FARSB: variants seen among roughly 807,000 people sequenced by gnomAD.
FARSB encodes phenylalanine--tRNA ligase beta subunit.
A neutral mutation model predicts 69.6 loss-of-function variants in FARSB; 40 were observed. The ratio of observed to expected loss-of-function variants is 0.57; its 90% confidence interval spans 0.45 to 0.75. The LOEUF is 0.75. Among genes scored for constraint, FARSB ranks in the 30% least tolerant of loss-of-function variants. The pLI is 0.00. For missense variants in FARSB, 632 were observed against 722.9 expected (o/e 0.87, Z 1.44); for synonymous variants, 235 against 247.2 (o/e 0.95, Z 0.46).
At chr2:222,612,537 T>A (rs999000041) in intron 15 of FARSB, among the ~76,000 whole-genome samples, 6 of 152,246 alleles carry the variant, frequency 3.9e-5, no homozygotes, top group Non-Finnish European at 8.8e-5. Flanking sequence ...AAGAATGATA[T>A]GTTTATCCTC....
intron 5 of FARSB, among the ~76,000 whole-genome samples, chr2:222,638,685 A>G (rs1691644162): frequency 6.6e-6 from 1 of 152,204 alleles, no homozygotes; most frequent in East Asian, 1.9e-4. Context: ...AGCCCATCCC[A>G]TACACATAAA....
chr2:222,587,593 A>G (rs1163873460), intron 16 of FARSB, among the ~76,000 whole-genome samples: 3 of 152,220 alleles, frequency 2.0e-5, no homozygotes, highest in Non-Finnish European at 2.9e-5. Flanking sequence ...AAGATCAACA[A>G]AATTGATAGA....
At position 222,648,386 on chromosome 2, in the gene FARSB, G is replaced by T. The variant is rs189618471; in HGVS notation, c.114+354C>A. On this transcript the variant is annotated intron_variant, in intron 2 of 16. Transcript: ENST00000281828. ...AGGCGCTGGAAGTGAAGGAGGCAGG[G>T]TAACTCTGGTTGAAGCAACATTTCT... 1.1e-3 allele frequency among the ~76,000 whole-genome samples: 175 copies of T among 152,284 alleles called. 1 individual carries two copies. The highest frequency in any genetic ancestry group is 3.9e-3 in the African/African-American group (162 of 41,542).
intron 16 of FARSB, among the ~76,000 whole-genome samples, chr2:222,579,302 G>A (rs1363193224): frequency 6.6e-6 from 1 of 152,126 alleles, no homozygotes; most frequent in Non-Finnish European, 1.5e-5. Context: ...ACTTCTTCTG[G>A]TTTACAATTA....
Position 222,640,840 on chromosome 2 carries a change from A to T in FARSB, c.339+22T>A, listed in dbSNP as rs758384526. On this transcript the variant is annotated intron_variant, in intron 4 of 16. Transcript: ENST00000281828. ...TACAAAAGAAAATTTTTAAAAGAAA[A>T]ATAAGAATTTGTCCTTATTACCTCT... 3.0e-6 allele frequency: 4 copies of T among 1,341,986 alleles called. No individual in the cohort carries two copies. In the African/African-American group the frequency reaches 6.0e-5, roughly 20 times the overall value. The allele number at this position is 1,341,986 out of a possible 1,614,324, so 83.1% of individuals were successfully genotyped here. A position where few individuals can be genotyped will look rare whatever the true frequency, so the allele number is the denominator to read the frequency against.
At position 222,570,019 on chromosome 2, in the gene FARSB, A is replaced by T. The variant is rs1689687437; in HGVS notation, c.*1852T>A. On this transcript the variant is annotated 3_prime_UTR_variant, in exon 17 of 17. Transcript: ENST00000281828. Reference sequence around the variant, plus strand: ...ATTGTGACTCACCAGCAGTGCATGAAAGTTCCACTTGCTCCAGTCTCAGCA... The same window carrying T: ...ATTGTGACTCACCAGCAGTGCATGATAGTTCCACTTGCTCCAGTCTCAGCA... Among the ~76,000 whole-genome samples, 1 of 152,194 alleles carries T rather than the reference A, an allele frequency of 6.6e-6. No homozygotes were observed. Among genetic ancestry groups the T allele is most frequent in the African/African-American group, 2.4e-5 (1 of 41,460 alleles).
chr2:222,619,838 C>G, intron 13 of FARSB, 101 bp from the exon 14 acceptor site: 1 of 642,202 alleles, frequency 1.6e-6, no homozygotes, highest in Admixed American at 2.2e-5. Flanking sequence ...AATTTATATT[C>G]TCTACACATA....
At chr2:222,651,888 G>C (rs1299548220) in intron 1 of FARSB, among the ~76,000 whole-genome samples, 1 of 152,210 alleles carries the variant, frequency 6.6e-6, no homozygotes, top group Non-Finnish European at 1.5e-5. Context: ...TCACTCAGAG[G>C]GGTGGAAACC....
At chr2:222,575,785 T>C (rs1689824976) in intron 16 of FARSB, among the ~76,000 whole-genome samples, 1 of 152,214 alleles carries the variant, frequency 6.6e-6, no homozygotes, top group South Asian at 2.1e-4. Context: ...TAGCATCTCC[T>C]AGAGGTCTGT....
At position 222,624,393 on chromosome 2, in the gene FARSB, T is replaced by G. The variant is rs778729365; in HGVS notation, c.1049A>C (p.Glu350Ala). 10 of 1,610,492 alleles carry G rather than the reference T, an allele frequency of 6.2e-6. No individual in the cohort carries two copies. The highest frequency in any genetic ancestry group is 8.5e-6 in the Non-Finnish European group (10 of 1,176,800). Residue 350 changes from glutamate to alanine, a missense_variant, in exon 12 of 17, where the codon GAA (glutamate) becomes GCA (alanine). By Grantham distance (107) the Glu-to-Ala change is moderately radical. Coordinates refer to ENST00000281828, the MANE Select transcript of FARSB (RefSeq NM_005687.5). ...VIGDGNQIEI[E>A]IPPTRADIIH... is the part of the protein sequence containing the mutation. ...AATGTCAGCTCTGGTTGGAGGGATT[T>G]CAATCTCAATCTGATTCCCATCACC...
chr2:222,597,313 A>G (rs1690445548), intron 16 of FARSB, among the ~76,000 whole-genome samples: 1 of 152,206 alleles, frequency 6.6e-6, no homozygotes, highest in Non-Finnish European at 1.5e-5. Context: ...AAAAGGAACC[A>G]CAAGTCTGAG....
chr2:222,623,067 T>G (rs114217899), intron 13 of FARSB, among the ~76,000 whole-genome samples: 5,486 of 152,178 alleles, frequency 0.036, 313 homozygotes, highest in African/African-American at 0.12. Context: ...ACCACAGAAA[T>G]GCTCAGCAAG....
At chr2:222,586,209 C>T (rs1690108721) in intron 16 of FARSB, among the ~76,000 whole-genome samples, 1 of 152,226 alleles carries the variant, frequency 6.6e-6, no homozygotes, top group Non-Finnish European at 1.5e-5. Flanking sequence ...AAATATTCAA[C>T]ATTCTTAAAG....
At chr2:222,633,146 C>T (rs942297724) in intron 7 of FARSB, 53 bp downstream of exon 7, 2 of 898,370 alleles carry the variant, frequency 2.2e-6, no homozygotes, top group African/African-American at 3.3e-5. Flanking sequence ...TACAGAAATG[C>T]TGAAGATTAA....
chr2:222,630,145 G>C lies in FARSB; in HGVS notation c.816C>G (p.Thr272=). The C allele has an allele frequency of 6.4e-7, 1 of 1,552,040 alleles. No individual in the cohort carries two copies. Residue 272 remains threonine (T), a synonymous_variant, in exon 9 of 17, where the codon ACC becomes ACG. Coordinates refer to ENST00000281828, the MANE Select transcript of FARSB (RefSeq NM_005687.5). ...KAKIVLDIIV[T]MFSEYCENQF... ...GATTCTCACAATATTCACTGAACAT[G>C]GTGACAATAATATCAAGAACTATTT... is the stretch of plus-strand genomic sequence containing the variant.
intron 6 of FARSB, 56 bp downstream of exon 6, chr2:222,634,335 T>C (rs1363178995): frequency 1.9e-5 from 25 of 1,298,542 alleles, no homozygotes; most frequent in East Asian, 1.7e-4. Flanking sequence ...AGGCTTGACT[T>C]TGATGGAATT....
At chr2:222,576,117 C>T (rs1237065819) in intron 16 of FARSB, among the ~76,000 whole-genome samples, 1 of 151,944 alleles carries the variant, frequency 6.6e-6, no homozygotes, top group Non-Finnish European at 1.5e-5. Context: ...AATCTGAAAA[C>T]ATCAGAAGGT....
intron 16 of FARSB, among the ~76,000 whole-genome samples, chr2:222,579,067 C>T (rs1346399659): frequency 6.6e-6 from 1 of 152,138 alleles, no homozygotes; most frequent in East Asian, 1.9e-4. Flanking sequence ...CCAGTGCAGC[C>T]CTGGCCAAGC....
At chr2:222,592,106 T>C (rs536158782) in intron 16 of FARSB, among the ~76,000 whole-genome samples, 36 of 152,220 alleles carry the variant, frequency 2.4e-4, no homozygotes, top group Non-Finnish European at 4.7e-4. Context: ...TAGTTTCAGC[T>C]TTAAGAAAGA....
Sources: allele counts gnomAD v4.1 joint callset (sites outside exome capture counted in the v4.1 genomes callset), GRCh38; gene constraint gnomAD v4.1.1; transcripts MANE v1.5; gene names NCBI Gene and HGNC (gene_info 2026-07-23, HGNC 2026-07-21).